The following CCDC12 variants were observed in gnomAD, a reference collection of about 807,000 sequenced individuals.
The protein encoded by CCDC12 is coiled-coil domain containing 12.
CCDC12 carries 28 observed loss-of-function variants against 25.7 expected under a neutral mutation model. The ratio of observed to expected loss-of-function variants is 1.09; its 90% confidence interval spans 0.81 to 1.50. The LOEUF (loss-of-function observed/expected upper bound fraction) is 1.50, where lower values mean the gene tolerates loss of function less well. Ranked by LOEUF, CCDC12 falls within the 40% of genes most tolerant of loss-of-function variation. The pLI is 0.00. For synonymous variants in CCDC12, 75 were observed against 87.7 expected, an observed-to-expected ratio of 0.86 and a Z score of 0.81; for missense variants, 198 against 210.0, an observed-to-expected ratio of 0.94 and a Z score of 0.35.
intron 1 of CCDC12, chr3:46,976,421 G>A: frequency 2.1e-6 from 3 of 1,418,122 alleles, no homozygotes; most frequent in South Asian, 1.5e-5. Flanking sequence ...GCCCACCCCC[G>A]CGCATGCGCG....
intron 1 of CCDC12, among the ~76,000 whole-genome samples, chr3:46,962,160 G>A (rs1469695872): frequency 2.6e-5 from 4 of 152,152 alleles, no homozygotes; most frequent in Admixed American, 1.3e-4. Flanking sequence ...TGGGCCAGGT[G>A]AGGCGGCTCT....
chr3:46,948,453 G>C (rs988689641), intron 1 of CCDC12, among the ~76,000 whole-genome samples: 1 of 152,256 alleles, frequency 6.6e-6, no homozygotes, highest in Non-Finnish European at 1.5e-5. Context: ...GCTGTGGGGA[G>C]ACAGGGAGGA....
chr3:46,943,818 C>G (rs1281933091), intron 1 of CCDC12, among the ~76,000 whole-genome samples: 1 of 152,222 alleles, frequency 6.6e-6, no homozygotes, highest in Admixed American at 6.5e-5. Context: ...TGACCCCAGC[C>G]TGGGATGCTG....
chr3:46,931,583 T>G (rs2033215148), intron 2 of CCDC12, among the ~76,000 whole-genome samples: 1 of 116,256 alleles, frequency 8.6e-6, no homozygotes, highest in Non-Finnish European at 1.9e-5. Context: ...TTGAGGCTAC[T>G]CCACATTCAC....
chr3:46,939,701 G>T (rs1408858632), intron 2 of CCDC12, among the ~76,000 whole-genome samples: 1 of 152,192 alleles, frequency 6.6e-6, no homozygotes, highest in African/African-American at 2.4e-5. Flanking sequence ...TCTAAGCATA[G>T]AGCTGGTAGC....
At chr3:46,964,374 G>A (rs1282259033) in intron 1 of CCDC12, among the ~76,000 whole-genome samples, 1 of 151,952 alleles carries the variant, frequency 6.6e-6, no homozygotes, top group Non-Finnish European at 1.5e-5. Flanking sequence ...TCTGGGAGGT[G>A]GGGGGCGCTT....
At chr3:46,967,633 C>T (rs1363208511) in intron 1 of CCDC12, among the ~76,000 whole-genome samples, 2 of 152,200 alleles carry the variant, frequency 1.3e-5, no homozygotes, top group Non-Finnish European at 1.5e-5. Context: ...TAAACAGGGA[C>T]ACCATGTTCC....
chr3:46,981,044 G>T (rs1433460228), upstream of CCDC12, among the ~76,000 whole-genome samples: 2 of 152,238 alleles, frequency 1.3e-5, no homozygotes, highest in Admixed American at 1.3e-4. Flanking sequence ...CGCTCAGGTT[G>T]TGAGAGGTCC....
chr3:46,952,992 A>G (rs2034175327), intron 1 of CCDC12, among the ~76,000 whole-genome samples: 1 of 152,070 alleles, frequency 6.6e-6, no homozygotes, highest in African/African-American at 2.4e-5. Context: ...TTCACATGCA[A>G]ATGGTTTCAA....
At chr3:46,941,099 T>A (rs779913399) in intron 1 of CCDC12, 34 bp from the exon 2 acceptor site, 4 of 1,605,672 alleles carry the variant, frequency 2.5e-6, no homozygotes, top group Non-Finnish European at 3.4e-6. Flanking sequence ...CCAGCTCAGT[T>A]GAAAGCTCCT....
At chr3:46,954,197 T>C (rs1387376896) in intron 1 of CCDC12, among the ~76,000 whole-genome samples, 5 of 152,104 alleles carry the variant, frequency 3.3e-5, no homozygotes, top group African/African-American at 1.2e-4. Flanking sequence ...CCTGAGGACA[T>C]GTGGCTGCTA....
intron 1 of CCDC12, among the ~76,000 whole-genome samples, chr3:46,971,331 G>T (rs2034796643): frequency 6.6e-6 from 1 of 152,230 alleles, no homozygotes; most frequent in Non-Finnish European, 1.5e-5. Flanking sequence ...AGGCAGTGCT[G>T]TGTCCTCTAC....
intron 1 of CCDC12, among the ~76,000 whole-genome samples, chr3:46,956,496 G>C (rs2034291019): frequency 6.6e-6 from 1 of 152,220 alleles, no homozygotes; most frequent in African/African-American, 2.4e-5. Context: ...TCTGGACACA[G>C]GGCAGGCAGG....
At chr3:46,969,286 C>T (rs964440626) in intron 1 of CCDC12, among the ~76,000 whole-genome samples, 1 of 152,180 alleles carries the variant, frequency 6.6e-6, no homozygotes, top group Non-Finnish European at 1.5e-5. Context: ...CTTGGCATTG[C>T]TCCCACTCTC....
At chr3:46,958,553 G>C (rs1049998940) in intron 1 of CCDC12, among the ~76,000 whole-genome samples, 1 of 152,126 alleles carries the variant, frequency 6.6e-6, no homozygotes, top group African/African-American at 2.4e-5. Context: ...TGGGCCAAGG[G>C]AATAAGCAGC....
chr3:46,938,716 T>C (rs1008868191), intron 2 of CCDC12, among the ~76,000 whole-genome samples: 63 of 151,694 alleles, frequency 4.2e-4, no homozygotes, highest in African/African-American at 1.5e-3. Context: ...GGCATAGTGG[T>C]GCGCACCTGT....
At chr3:46,934,749 G>A (rs540131173) in intron 2 of CCDC12, among the ~76,000 whole-genome samples, 8 of 152,154 alleles carry the variant, frequency 5.3e-5, no homozygotes, top group Non-Finnish European at 1.0e-4. Context: ...CAGGAAAAAC[G>A]AGGCAGTCGT....
intron 1 of CCDC12, among the ~76,000 whole-genome samples, chr3:46,971,358 A>G (rs1335711628): frequency 6.6e-6 from 1 of 152,178 alleles, no homozygotes; most frequent in Non-Finnish European, 1.5e-5. Context: ...CCCTTCCCCC[A>G]GGGGGTCTTG....
At chr3:46,922,523 A>G in intron 5 of CCDC12, 1 of 607,338 alleles carries the variant, frequency 1.6e-6, no homozygotes, top group Non-Finnish European at 2.9e-6. Flanking sequence ...CAGGGGGACT[A>G]GCATCACAAA....
Sources: allele counts gnomAD v4.1 joint callset (sites outside exome capture counted in the v4.1 genomes callset), GRCh38; gene constraint gnomAD v4.1.1; transcripts MANE v1.5; gene names NCBI Gene and HGNC (gene_info 2026-07-23, HGNC 2026-07-21).